STK25: variants seen among roughly 807,000 people sequenced by gnomAD.
The protein encoded by STK25 is serine/threonine kinase 25.
In STK25, 29 loss-of-function variants were observed where a neutral mutation model predicts 53.8. The observed-to-expected ratio is 0.54, with a 90% CI of 0.40 to 0.74. The LOEUF is 0.74. Ranked by LOEUF, STK25 falls within the 30% of genes least tolerant of loss-of-function variation. STK25 has a pLI of 0.00. For missense variants in STK25, 420 were observed against 568.0 expected, an observed-to-expected ratio of 0.74 and a Z score of 2.65; for synonymous variants, 247 against 238.3, an observed-to-expected ratio of 1.04 and a Z score of -0.33.
chr2:241,493,200 T>C lies in STK25; in HGVS notation c.*2462A>G. 7.0e-7 allele frequency: 1 copy of C among 1,438,482 alleles called. No homozygotes were observed. Among genetic ancestry groups the C allele is most frequent in the South Asian group, 1.2e-5 (1 of 82,464 alleles). 89.1% of individuals were successfully genotyped at this position (1,438,482 alleles called of 1,614,324 possible). ...ACTGGCTCCCTTGGCCCGTGGGCAT[T>C]TGTACGTGCCACCGTTGTGCAGGTA... On this transcript the variant is annotated 3_prime_UTR_variant, in exon 12 of 12. Transcript: ENST00000316586.
chr2:241,508,168 G>T (rs541173425), intron 1 of STK25, 33 bp from the exon 2 acceptor site: 1 of 1,423,112 alleles, frequency 7.0e-7, no homozygotes, highest in African/African-American at 1.5e-5. Flanking sequence ...TCGGTGCCCA[G>T]TTCAGTCATC....
intron 2 of STK25, among the ~76,000 whole-genome samples, chr2:241,503,335 G>A (rs190723185): frequency 3.8e-4 from 58 of 151,998 alleles, no homozygotes; most frequent in African/African-American, 1.3e-3. Context: ...AAAGTGCTGG[G>A]ATTACAGGCG....
chr2:241,499,989 C>T (rs1173340740), intron 5 of STK25, 184 bp downstream of exon 5: 11 of 691,402 alleles, frequency 1.6e-5, no homozygotes, highest in Non-Finnish European at 2.7e-5. Flanking sequence ...TACAAGGAAA[C>T]CGTTACAAGT....
At chr2:241,508,192 C>T in intron 1 of STK25, 57 bp from the exon 2 acceptor site, 1 of 1,326,406 alleles carries the variant, frequency 7.5e-7, no homozygotes, top group Middle Eastern at 2.8e-4. Context: ...GACCGACCTC[C>T]GGGGCGGCGG....
At chr2:241,505,293 G>A (rs4675940) in intron 2 of STK25, among the ~76,000 whole-genome samples, 14,509 of 152,024 alleles carry the variant, frequency 0.095, 1,554 homozygotes, top group Admixed American at 0.23. Flanking sequence ...CCACCGAGCC[G>A]TTAGCCTGTA....
In STK25 at chr2:241,493,296, G is replaced by A; in HGVS notation, c.*2366C>T. 2 of 1,613,742 alleles carry A rather than the reference G, an allele frequency of 1.2e-6. No homozygotes were observed. Among genetic ancestry groups the A allele is most frequent in the Non-Finnish European group, 1.7e-6 (2 of 1,179,996 alleles). ...GTGTCCCTATGCTGTCTTGCAGGAT[G>A]ACTACCCACTGGCCAGCCTCCCGCT... On this transcript the variant is annotated 3_prime_UTR_variant, in exon 12 of 12. Coordinates refer to ENST00000316586, the MANE Select transcript of STK25 (RefSeq NM_001271977.2).
intron 4 of STK25, 41 bp downstream of exon 4, chr2:241,500,699 G>GGACACTGCA (rs753597101): frequency 8.1e-6 from 13 of 1,604,208 alleles, no homozygotes; most frequent in Non-Finnish European, 1.1e-5. Context: ...CAGGGGACTC[G>GGACACTGCA]GACACTGCAT....
At chr2:241,509,202 C>G (rs1250846561), upstream of STK25, 1 of 152,462 alleles carries the variant, frequency 6.6e-6, no homozygotes, top group Non-Finnish European at 1.5e-5. Context: ...TGCTTCGCCT[C>G]TCCTGCCTCA....
At chr2:241,507,630 G>A (rs970989513) in intron 2 of STK25, among the ~76,000 whole-genome samples, 1 of 152,198 alleles carries the variant, frequency 6.6e-6, no homozygotes, top group Non-Finnish European at 1.5e-5. Flanking sequence ...GGCCCAGGCC[G>A]AGGCCGCAGG....
Position 241,501,363 on chromosome 2 carries a change from A to T in STK25, c.261+115T>A. The T allele has an allele frequency of 9.4e-7, 1 of 1,065,276 alleles. No homozygotes were observed. Among genetic ancestry groups the T allele is most frequent in the Non-Finnish European group, 1.4e-6 (1 of 708,678 alleles). The allele number at this position is 1,065,276 out of a possible 1,614,324, so 66.0% of individuals were successfully genotyped here. ...TGCCCAGGGCAGTTTCCCGGAGGGCATGCACTGAACCGTCAAGACCGCCTT... is the reference window on the plus strand; with the variant it reads ...TGCCCAGGGCAGTTTCCCGGAGGGCTTGCACTGAACCGTCAAGACCGCCTT... On this transcript the variant is annotated intron_variant, in intron 3 of 11. Transcript: ENST00000316586. This position sits in a 1 kb window ranked among gnomAD's most constrained non-coding sequence, Gnocchi z 5.3.
chr2:241,496,247 G>T lies in STK25; in HGVS notation c.1241+151C>A. The T allele has an allele frequency of 1.8e-6, 1 of 564,688 alleles. No individual in the cohort carries two copies. The highest frequency in any genetic ancestry group is 2.7e-6 in the Non-Finnish European group (1 of 372,396). 35.0% of individuals were successfully genotyped at this position (564,688 alleles called of 1,614,324 possible). On this transcript the variant is annotated intron_variant, in intron 11 of 11. Transcript: ENST00000316586. The surrounding 1 kb of genome is among the most constrained non-coding windows in gnomAD (Gnocchi z 5.8). ...GCCCTGTGAGCTGGGTCCAAACAAG[G>T]AAGAGGATGCCACGCCGCGCCTTCC...
rs763540978 is a variant in STK25 at position 241,493,373 on chromosome 2, CTA to C, written c.*2287_*2288del. ...GGGAGGCCGATGGCATACACAAAGACTATGTTTTCAAGCTCCAGTTCAAATCC... is the reference window on the plus strand; with the variant it reads ...GGGAGGCCGATGGCATACACAAAGACTGTTTTCAAGCTCCAGTTCAAATCC... On this transcript the variant is annotated 3_prime_UTR_variant, in exon 12 of 12. Transcript: ENST00000316586. The C allele has an allele frequency of 1.2e-6, 2 of 1,613,916 alleles. No individual in the cohort carries two copies. Among genetic ancestry groups the C allele is most frequent in the Admixed American group, 1.7e-5 (1 of 60,004 alleles).
At chr2:241,504,295 T>C (rs753021240) in intron 2 of STK25, among the ~76,000 whole-genome samples, 1 of 152,186 alleles carries the variant, frequency 6.6e-6, no homozygotes, top group Non-Finnish European at 1.5e-5. Context: ...AAGTGACCTT[T>C]CTCATTCTCT....
At position 241,501,701 on chromosome 2, in the gene STK25, C is replaced by A; in HGVS notation, c.38G>T (p.Arg13Leu). Residue 13 changes from arginine to leucine, a missense_variant, in exon 3 of 12, where the codon CGA becomes CTA. Coordinates refer to ENST00000316586, the MANE Select transcript of STK25 (RefSeq NM_001271977.2). This position sits in a 1 kb window ranked among gnomAD's most constrained non-coding sequence, Gnocchi z 5.3. ...GGTGAAGAGCTCCTCAGGGTCCACT[C>A]GAGAGTGCTGTGGGGCCAGGGCGGG... is the stretch of plus-strand genomic sequence containing the variant. ...HLRGFANQHS[R>L]VDPEELFTKL... 6.2e-7 allele frequency: 1 copy of A among 1,612,276 alleles called. No homozygotes were observed.
chr2:241,494,577 G>A lies in STK25; in HGVS notation c.*1085C>T, dbSNP rs2065052733. On this transcript the variant is annotated 3_prime_UTR_variant, in exon 12 of 12. Transcript: ENST00000316586. This position sits in a 1 kb window ranked among gnomAD's most constrained non-coding sequence, Gnocchi z 4.9. ...TGCCAGGACCCTCTCAGACAAGCGT[G>A]GCACAGCCATGCTGACCTTCCATCT... is the stretch of plus-strand genomic sequence containing the variant. 6.6e-6 allele frequency: 1 copy of A among 152,578 alleles called. No homozygotes were observed. Among genetic ancestry groups the A allele is most frequent in the Non-Finnish European group, 1.5e-5 (1 of 68,298 alleles). 9.5% of individuals were successfully genotyped at this position (152,578 alleles called of 1,614,324 possible).
In STK25 at chr2:241,501,074, A is replaced by G; in HGVS notation, c.262-278T>C. 1 of 570,730 alleles carries G rather than the reference A, an allele frequency of 1.8e-6. No homozygotes were observed. Among genetic ancestry groups the G allele is most frequent in the Non-Finnish European group, 3.1e-6 (1 of 318,824 alleles). 35.4% of individuals were successfully genotyped at this position (570,730 alleles called of 1,614,324 possible). Reference sequence around the variant, plus strand: ...AACCAGGCTGCTGATCCAGTCCTACAGGGCTGGGAAGAGGGCATGGCTGGC... The same window carrying G: ...AACCAGGCTGCTGATCCAGTCCTACGGGGCTGGGAAGAGGGCATGGCTGGC... On this transcript the variant is annotated intron_variant, in intron 3 of 11. Coordinates refer to ENST00000316586, the MANE Select transcript of STK25 (RefSeq NM_001271977.2). The surrounding 1 kb of genome is among the most constrained non-coding windows in gnomAD (Gnocchi z 5.3).
At position 241,494,045 on chromosome 2, in the gene STK25, GGGAGGGCCCCAAGCATCGTGCA is replaced by G. The variant is rs751051050; in HGVS notation, c.*1595_*1616del. 1 of 1,416,290 alleles carries G rather than the reference GGGAGGGCCCCAAGCATCGTGCA, an allele frequency of 7.1e-7. No homozygotes were observed. The highest frequency in any genetic ancestry group is 9.2e-7 in the Non-Finnish European group (1 of 1,084,206). The allele number at this position is 1,416,290 out of a possible 1,614,324, so 87.7% of individuals were successfully genotyped here. On this transcript the variant is annotated 3_prime_UTR_variant, in exon 12 of 12. Transcript: ENST00000316586. The surrounding 1 kb of genome is among the most constrained non-coding windows in gnomAD (Gnocchi z 4.9). ...GATCCAGGGGGCCAGCAGCTCAGCC[GGGAGGGCCCCAAGCATCGTGCA>G]GGATGGCCCCCAACCCTCCTCAGGG...
At chr2:241,498,127 C>T (rs776544543) in intron 9 of STK25, 108 bp downstream of exon 9, 6 of 1,074,588 alleles carry the variant, frequency 5.6e-6, no homozygotes, top group Non-Finnish European at 8.6e-6. Context: ...CTTTCCCAAG[C>T]TCCTTGTCCA....
chr2:241,498,606 T>C, intron 8 of STK25, 33 bp downstream of exon 8: 1 of 1,598,134 alleles, frequency 6.3e-7, no homozygotes, highest in Non-Finnish European at 8.5e-7. Flanking sequence ...TCACAGCACC[T>C]AGGGTCACCA....
Sources: allele counts gnomAD v4.1 joint callset (sites outside exome capture counted in the v4.1 genomes callset), GRCh38; gene constraint gnomAD v4.1.1; non-coding constraint Gnocchi (gnomAD v3.1); transcripts MANE v1.5; gene names NCBI Gene and HGNC (gene_info 2026-07-23, HGNC 2026-07-21).